LRFN5: variants seen among roughly 807,000 people sequenced by gnomAD.
LRFN5 encodes the protein leucine rich repeat and fibronectin type III domain containing 5, also known as leucine-rich repeat and fibronectin type-III domain-containing protein 5.
A neutral mutation model predicts 45.6 loss-of-function variants in LRFN5; 24 were observed. The observed-to-expected ratio is 0.53, with a 90% CI of 0.38 to 0.74. The LOEUF (loss-of-function observed/expected upper bound fraction) is 0.74. Ranked by LOEUF, LRFN5 falls within the 30% of genes least tolerant of loss-of-function variation. The pLI is 0.00. For missense variants in LRFN5, 776 were observed against 861.5 expected (o/e 0.90, Z 1.24); for synonymous variants, 340 against 313.8 (o/e 1.08, Z -0.88).
chr14:41,703,013 C>T (rs1027128161), intron 1 of LRFN5, among the ~76,000 whole-genome samples: 1 of 151,900 alleles, frequency 6.6e-6, no homozygotes, highest in Admixed American at 6.6e-5. Flanking sequence ...ATTAAAAGAT[C>T]CTTTTAGCTC....
intron 2 of LRFN5, among the ~76,000 whole-genome samples, chr14:41,845,784 AT>A (rs1889041065): frequency 6.6e-6 from 1 of 152,206 alleles, no homozygotes. Context: ...TCATATGCAT[AT>A]AGCTAACCGC....
intron 2 of LRFN5, among the ~76,000 whole-genome samples, chr14:41,785,539 T>C (rs967221002): frequency 1.3e-5 from 2 of 152,136 alleles, no homozygotes; most frequent in Non-Finnish European, 2.9e-5. Flanking sequence ...CCCAAACTTT[T>C]TGGTGCCAGG....
chr14:41,880,028 C>T (rs1292213378), intron 2 of LRFN5, among the ~76,000 whole-genome samples: 7 of 148,264 alleles, frequency 4.7e-5, no homozygotes, highest in Middle Eastern at 3.4e-3. Context: ...CCTGGGTTCG[C>T]GTCAGTCTCC....
At chr14:41,843,161 C>T (rs1888925138) in intron 2 of LRFN5, among the ~76,000 whole-genome samples, 1 of 149,672 alleles carries the variant, frequency 6.7e-6, no homozygotes, top group Non-Finnish European at 1.5e-5. Flanking sequence ...TGACAGCTCA[C>T]TGCAACCTTG....
intron 1 of LRFN5, among the ~76,000 whole-genome samples, chr14:41,713,252 C>G (rs1295396560): frequency 6.6e-6 from 1 of 151,920 alleles, no homozygotes; most frequent in African/African-American, 2.4e-5. Context: ...TTAGTAATTT[C>G]AAAGTAAATA....
At chr14:41,630,123 C>A (rs1888483880) in intron 1 of LRFN5, among the ~76,000 whole-genome samples, 1 of 152,086 alleles carries the variant, frequency 6.6e-6, no homozygotes, top group Admixed American at 6.6e-5. Flanking sequence ...ACACAGGTGA[C>A]AGTTTTCTCA....
At chr14:41,637,041 A>G (rs890285456) in intron 1 of LRFN5, among the ~76,000 whole-genome samples, 1 of 152,180 alleles carries the variant, frequency 6.6e-6, no homozygotes, top group African/African-American at 2.4e-5. Flanking sequence ...TCAAGATGTT[A>G]CATTCCACAA....
intron 1 of LRFN5, among the ~76,000 whole-genome samples, chr14:41,678,276 A>G (rs1253679110): frequency 1.4e-5 from 2 of 142,946 alleles, no homozygotes; most frequent in Non-Finnish European, 3.2e-5. Flanking sequence ...ATACATATAC[A>G]TATATATATA....
intron 2 of LRFN5, among the ~76,000 whole-genome samples, chr14:41,810,147 C>G (rs1161174922): frequency 2.0e-5 from 3 of 152,042 alleles, no homozygotes; most frequent in African/African-American, 7.2e-5. Flanking sequence ...GACCAATACA[C>G]AGATTAACAG....
intron 2 of LRFN5, among the ~76,000 whole-genome samples, chr14:41,810,633 A>T: frequency 6.6e-6 from 1 of 152,104 alleles, no homozygotes; most frequent in East Asian, 1.9e-4. Context: ...TCTGAGGTAG[A>T]GTGAAAATGA....
chr14:41,813,469 T>A (rs546279257), intron 2 of LRFN5, among the ~76,000 whole-genome samples: 1 of 152,300 alleles, frequency 6.6e-6, no homozygotes, highest in South Asian at 2.1e-4. Flanking sequence ...CCTGTGTTAG[T>A]TTGCTGAGAA....
chr14:41,677,792 A>T (rs572189178), intron 1 of LRFN5, among the ~76,000 whole-genome samples: 6 of 152,174 alleles, frequency 3.9e-5, no homozygotes, highest in Admixed American at 3.9e-4. Flanking sequence ...GTATCAAAAG[A>T]AGAAGAGAGA....
chr14:41,647,495 G>T (rs1879872263), intron 1 of LRFN5, among the ~76,000 whole-genome samples: 1 of 152,130 alleles, frequency 6.6e-6, no homozygotes, highest in Admixed American at 6.5e-5. Context: ...TGGGCATGAG[G>T]CTGTTTATGA....
chr14:41,702,770 G>A (rs1882891333), intron 1 of LRFN5, among the ~76,000 whole-genome samples: 1 of 151,778 alleles, frequency 6.6e-6, no homozygotes, highest in Non-Finnish European at 1.5e-5. Context: ...CAGAATGAAT[G>A]TGTTTTATAA....
intron 1 of LRFN5, among the ~76,000 whole-genome samples, chr14:41,630,551 T>C (rs907083447): frequency 6.6e-6 from 1 of 152,256 alleles, no homozygotes; most frequent in South Asian, 2.1e-4. Flanking sequence ...TTATATACTG[T>C]AATTACTATT....
At chr14:41,762,487 A>G (rs1885713518) in intron 1 of LRFN5, among the ~76,000 whole-genome samples, 1 of 152,160 alleles carries the variant, frequency 6.6e-6, no homozygotes, top group African/African-American at 2.4e-5. Context: ...TTCATATTCA[A>G]TCATTGCCTC....
intron 1 of LRFN5, among the ~76,000 whole-genome samples, chr14:41,722,562 G>A (rs1415169079): frequency 3.7e-5 from 4 of 109,576 alleles, no homozygotes; most frequent in Non-Finnish European, 5.8e-5. Context: ...AATAAAATAC[G>A]GTGTTTTTTT....
intron 2 of LRFN5, among the ~76,000 whole-genome samples, chr14:41,875,672 C>T (rs1330972741): frequency 6.6e-6 from 1 of 152,090 alleles, no homozygotes; most frequent in African/African-American, 2.4e-5. Flanking sequence ...TTTTCACTTA[C>T]CAAAGAAAAA....
chr14:41,761,254 A>C (rs544815039), intron 1 of LRFN5, among the ~76,000 whole-genome samples: 26 of 151,178 alleles, frequency 1.7e-4, no homozygotes, highest in African/African-American at 6.1e-4. Context: ...AGGGAAAAAG[A>C]GAGAGGGAGG....
Sources: allele counts gnomAD v4.1 joint callset (sites outside exome capture counted in the v4.1 genomes callset), GRCh38; gene constraint gnomAD v4.1.1; transcripts MANE v1.5; gene names NCBI Gene and HGNC (gene_info 2026-07-23, HGNC 2026-07-21).